The following MAPDA variants were observed in gnomAD, a reference collection of about 807,000 sequenced individuals.
The protein encoded by MAPDA is N6-Methyl-AMP deaminase, also known as N6,N6-dimethyl-AMP deaminase.
At chr15:43,347,773 AATGT>A in the MAPDA span, among the ~76,000 whole-genome samples, 1 of 152,220 alleles carries the variant, frequency 6.6e-6, no homozygotes, top group Non-Finnish European at 1.5e-5. Context: ...TTAAAGGGGT[AATGT>A]ATAAAGGTTG....
the MAPDA span, chr15:43,336,750 C>G: frequency 1.5e-6 from 2 of 1,305,276 alleles, no homozygotes; most frequent in Non-Finnish European, 2.1e-6. Context: ...TCCATTATTG[C>G]ACATGGCCTT....
the MAPDA span, among the ~76,000 whole-genome samples, chr15:43,342,298 C>G: frequency 1.3e-5 from 2 of 152,014 alleles, no homozygotes; most frequent in Admixed American, 6.5e-5. Context: ...AGTGCTCTTG[C>G]AGATCCCCTC....
At chr15:43,351,301 G>T in the MAPDA span, 1 of 367,366 alleles carries the variant, frequency 2.7e-6, no homozygotes, top group Non-Finnish European at 4.9e-6. Context: ...ACTCCATCTT[G>T]GGCAACAAGA....
chr15:43,349,030 C>T, the MAPDA span: 10 of 1,614,070 alleles, frequency 6.2e-6, no homozygotes, highest in South Asian at 1.1e-4. Context: ...TGTGAGGCAA[C>T]ATCGGATACC....
At chr15:43,340,485 G>A in the MAPDA span, 34 of 693,724 alleles carry the variant, frequency 4.9e-5, no homozygotes, top group South Asian at 5.7e-4. Context: ...TGAACCTTTA[G>A]TCAACAGTCC....
the MAPDA span, chr15:43,351,107 C>G: frequency 7.1e-7 from 1 of 1,417,968 alleles, no homozygotes; most frequent in South Asian, 1.2e-5. Context: ...TTCAGATGTT[C>G]ACTATCTAGC....
chr15:43,339,640 A>C, the MAPDA span, among the ~76,000 whole-genome samples: 4 of 152,240 alleles, frequency 2.6e-5, no homozygotes, highest in Non-Finnish European at 5.9e-5. Flanking sequence ...CAGAAAGGAA[A>C]AACATCCTTC....
At chr15:43,349,003 C>G in the MAPDA span, 1 of 1,614,158 alleles carries the variant, frequency 6.2e-7, no homozygotes, top group Non-Finnish European at 8.5e-7. Flanking sequence ...GGGAGGATCC[C>G]TGGATCTGGT....
chr15:43,340,616 C>T, the MAPDA span, among the ~76,000 whole-genome samples: 4 of 152,130 alleles, frequency 2.6e-5, no homozygotes, highest in African/African-American at 4.8e-5. Flanking sequence ...ACCACAAACT[C>T]CTGGGCCCAA....
the MAPDA span, chr15:43,335,825 G>C: frequency 6.2e-7 from 1 of 1,612,536 alleles, no homozygotes; most frequent in Non-Finnish European, 8.5e-7. Context: ...AACTTTGGAA[G>C]AGTAAGTGTG....
At chr15:43,333,473 C>T in the MAPDA span, 4 of 150,572 alleles carry the variant, frequency 2.7e-5, no homozygotes, top group Admixed American at 2.0e-4. Flanking sequence ...TTATGTTTTT[C>T]GGTAGAGATA....
chr15:43,336,191 G>A, the MAPDA span, among the ~76,000 whole-genome samples: 1 of 152,072 alleles, frequency 6.6e-6, no homozygotes, highest in African/African-American at 2.4e-5. Context: ...ACAGGTGCAC[G>A]CCACCATGAC....
the MAPDA span, among the ~76,000 whole-genome samples, chr15:43,342,747 CAAA>C: frequency 2.5e-5 from 3 of 121,772 alleles, no homozygotes; most frequent in African/African-American, 3.0e-5. Context: ...GACCCTGTCT[CAAA>C]AAAAAAAAAA....
chr15:43,330,560 G>A, the MAPDA span: 8 of 1,473,250 alleles, frequency 5.4e-6, no homozygotes, highest in South Asian at 1.4e-5. Flanking sequence ...CACACCTCAC[G>A]GACCTCGGTA....
chr15:43,336,726 T>A, the MAPDA span: 1 of 1,449,908 alleles, frequency 6.9e-7, no homozygotes, highest in Non-Finnish European at 9.3e-7. Context: ...TTAAAAATTA[T>A]GAAGTAATTT....
chr15:43,336,209 T>G, the MAPDA span, among the ~76,000 whole-genome samples: 3 of 152,122 alleles, frequency 2.0e-5, no homozygotes, highest in Non-Finnish European at 4.4e-5. Flanking sequence ...GACTGGCTAA[T>G]GTTTTTTTAA....
chr15:43,341,282 CA>C, the MAPDA span, among the ~76,000 whole-genome samples: 1 of 152,140 alleles, frequency 6.6e-6, no homozygotes, highest in Non-Finnish European at 1.5e-5. Context: ...ACCATAGAAT[CA>C]GTTCCACGTT....
the MAPDA span, chr15:43,334,918 T>G: frequency 1.6e-5 from 8 of 495,032 alleles, no homozygotes; most frequent in Non-Finnish European, 2.8e-5. Context: ...CTTTTACATC[T>G]GAAAATATTA....
At chr15:43,331,376 T>C in the MAPDA span, among the ~76,000 whole-genome samples, 1 of 152,254 alleles carries the variant, frequency 6.6e-6, no homozygotes, top group East Asian at 1.9e-4. Flanking sequence ...ATAAAGTTTC[T>C]AAATTGGGTG....
Sources: gnomAD v4.1 joint callset for allele counts (sites outside exome capture counted in the v4.1 genomes callset) on GRCh38, gnomAD v4.1.1 for gene constraint, MANE v1.5 for transcripts, NCBI Gene and HGNC (gene_info 2026-07-23, HGNC 2026-07-21) for gene names.